Variants in ADGRF5 observed in about 807,000 individuals in gnomAD.
The protein encoded by ADGRF5 is adhesion G protein-coupled receptor F5, also known as G-protein coupled receptor 116.
ADGRF5 carries 75 observed loss-of-function variants against 132.3 expected under a neutral mutation model. The observed-to-expected ratio is 0.57, with a 90% CI of 0.47 to 0.69. The LOEUF (loss-of-function observed/expected upper bound fraction) is 0.69, where lower values mean the gene tolerates loss of function less well. Ranked by LOEUF, ADGRF5 falls within the 30% of genes least tolerant of loss-of-function variation. The pLI is 0.00. For missense variants in ADGRF5, 1,516 were observed against 1,630.6 expected, an observed-to-expected ratio of 0.93 and a Z score of 1.21; for synonymous variants, 629 against 597.6, an observed-to-expected ratio of 1.05 and a Z score of -0.77.
At chr6:46,868,399 T>C (rs1008157998) in intron 12 of ADGRF5, among the ~76,000 whole-genome samples, 2 of 152,242 alleles carry the variant, frequency 1.3e-5, no homozygotes, top group Admixed American at 6.5e-5. Context: ...TGAGCTATTA[T>C]TGTAGCAGTT....
intron 1 of ADGRF5, 75 bp downstream of exon 1, chr6:46,921,638 T>G (rs1190821297): frequency 2.6e-5 from 4 of 152,138 alleles, no homozygotes; most frequent in Non-Finnish European, 5.9e-5. Flanking sequence ...TTAAGAGAAG[T>G]GACTTAGGAG....
chr6:46,934,185 C>T (rs772612373), intron 1 of ADGRF5, among the ~76,000 whole-genome samples: 19 of 152,070 alleles, frequency 1.2e-4, no homozygotes, highest in Non-Finnish European at 5.9e-5. Flanking sequence ...ACTAATGTCT[C>T]TCTCTCTCTC....
At chr6:46,920,021 T>C (rs556310953) in intron 1 of ADGRF5, among the ~76,000 whole-genome samples, 2 of 152,352 alleles carry the variant, frequency 1.3e-5, no homozygotes, top group Non-Finnish European at 1.5e-5. Context: ...AACCGATCTG[T>C]TAAATGCATT....
chr6:46,880,263 G>A (rs1772302805), intron 8 of ADGRF5, among the ~76,000 whole-genome samples: 1 of 152,068 alleles, frequency 6.6e-6, no homozygotes, highest in South Asian at 2.1e-4. Flanking sequence ...CCCGACTGGG[G>A]TGTTTGCCCT....
chr6:46,886,203 T>C (rs530391740), intron 4 of ADGRF5, among the ~76,000 whole-genome samples: 2 of 152,324 alleles, frequency 1.3e-5, no homozygotes, highest in Admixed American at 1.3e-4. Context: ...AGGGAAGTTA[T>C]CAAATAGTTG....
chr6:46,865,032 AC>A lies in ADGRF5; in HGVS notation c.1990+9del. On this transcript the variant is annotated intron_variant, in intron 14 of 20. Coordinates refer to ENST00000283296, the MANE Select transcript of ADGRF5 (RefSeq NM_001098518.2). ...CTATAACATCTTAAAGTAATTTAAA[AC>A]GTTCTTACCAGGAACCAGATTCAGC... The A allele has an allele frequency of 1.3e-6, 2 of 1,573,912 alleles. No homozygotes were observed. Among genetic ancestry groups the A allele is most frequent in the Non-Finnish European group, 1.7e-6 (2 of 1,153,058 alleles).
intron 10 of ADGRF5, among the ~76,000 whole-genome samples, chr6:46,874,952 G>T (rs1328963): frequency 0.08 from 12,100 of 152,162 alleles, 652 homozygotes; most frequent in Non-Finnish European, 0.11. Flanking sequence ...ATCCTACAAT[G>T]CACAGAACAG....
At chr6:46,927,873 C>T (rs934464304) in intron 1 of ADGRF5, among the ~76,000 whole-genome samples, 1 of 152,164 alleles carries the variant, frequency 6.6e-6, no homozygotes, top group African/African-American at 2.4e-5. Flanking sequence ...ATCAACAAGT[C>T]AACAAGCAAG....
chr6:46,939,101 C>A (rs1004639503), intron 1 of ADGRF5, among the ~76,000 whole-genome samples: 1 of 152,164 alleles, frequency 6.6e-6, no homozygotes, highest in Non-Finnish European at 1.5e-5. Context: ...GATCTCTTGA[C>A]CTCGTGATCC....
At chr6:46,916,762 CAA>C (rs1198845113) in intron 1 of ADGRF5, among the ~76,000 whole-genome samples, 2 of 152,180 alleles carry the variant, frequency 1.3e-5, no homozygotes, top group African/African-American at 4.8e-5. Flanking sequence ...ATATTTAAGC[CAA>C]TTCACCAGGC....
chr6:46,920,462 C>T (rs1776810986), intron 1 of ADGRF5, among the ~76,000 whole-genome samples: 1 of 137,874 alleles, frequency 7.3e-6, no homozygotes, highest in African/African-American at 2.8e-5. Flanking sequence ...TCCTATAGAG[C>T]TCAGAAGAAC....
chr6:46,859,196 G>A lies in ADGRF5; in HGVS notation c.2707C>T (p.Pro903Ser). ...SDSSIVTMAF[P>S]TLQAILAQDI... ...TGGGCAAGGATGGCTTGGAGAGTTGGGAAAGCCATGGTGACAATAGACGAA... is the reference window on the plus strand; with the variant it reads ...TGGGCAAGGATGGCTTGGAGAGTTGAGAAAGCCATGGTGACAATAGACGAA... The change falls in exon 17 of 21, where the codon CCA becomes TCA. Residue 903 changes from proline to serine, a missense_variant. Pro to Ser is a moderately conservative substitution (Grantham distance 74, BLOSUM62 -1). This residue lies in a region of ADGRF5 where 571 missense variants were observed against 701.2 expected (regional missense o/e 0.81). Coordinates refer to ENST00000283296, the MANE Select transcript of ADGRF5 (RefSeq NM_001098518.2). 1 of 1,613,952 alleles carries A rather than the reference G, an allele frequency of 6.2e-7. No homozygotes were observed. Among genetic ancestry groups the A allele is most frequent in the Non-Finnish European group, 8.5e-7 (1 of 1,179,836 alleles).
chr6:46,900,203 C>T, intron 2 of ADGRF5, 120 bp from the exon 3 acceptor site: 1 of 747,648 alleles, frequency 1.3e-6, no homozygotes, highest in Non-Finnish European at 2.4e-6. Context: ...TTTGGGTTAG[C>T]ACCATGTGTC....
intron 1 of ADGRF5, among the ~76,000 whole-genome samples, chr6:46,929,799 A>C (rs1777466671): frequency 6.6e-6 from 1 of 151,780 alleles, no homozygotes; most frequent in Non-Finnish European, 1.5e-5. Flanking sequence ...TCTTCTTATT[A>C]TTTTTATTTT....
chr6:46,872,769 C>T (rs1771222992), intron 10 of ADGRF5, among the ~76,000 whole-genome samples: 1 of 152,158 alleles, frequency 6.6e-6, no homozygotes, highest in South Asian at 2.1e-4. Context: ...CCTTTACTCT[C>T]CCTCCTTCCA....
rs908660210 is a variant in ADGRF5, at chr6:46,939,734, C to T, written c.-25+15000G>A. On this transcript the variant is annotated intron_variant, in intron 1 of 20. Transcript: ENST00000265417. ...CTGGTATACTAAAGGTGAAAATTTA[C>T]GTAGTGCTGAAAAATCTTCAAGCAT... is the stretch of plus-strand genomic sequence containing the variant. Among the ~76,000 whole-genome samples the T allele has an allele frequency of 7.2e-5, 11 of 152,142 alleles. No homozygotes were observed. The South Asian group carries it at 1.2e-3, about 17-fold the overall frequency.
At chr6:46,916,328 C>T (rs1776412865) in intron 1 of ADGRF5, among the ~76,000 whole-genome samples, 1 of 152,206 alleles carries the variant, frequency 6.6e-6, no homozygotes, top group South Asian at 2.1e-4. Context: ...GAACTTGTCT[C>T]CTGTCCCACT....
chr6:46,901,671 CCA>C (rs1384146930), intron 2 of ADGRF5, among the ~76,000 whole-genome samples: 2 of 152,116 alleles, frequency 1.3e-5, no homozygotes, highest in African/African-American at 2.4e-5. Flanking sequence ...CCAGCCAGCT[CCA>C]GAGTCTGCAC....
chr6:46,952,750 A>C (rs1778548749), intron 1 of ADGRF5, among the ~76,000 whole-genome samples: 1 of 152,236 alleles, frequency 6.6e-6, no homozygotes, highest in African/African-American at 2.4e-5. Flanking sequence ...CTATGTGCCC[A>C]AAACTGTGCC....
Sources: gnomAD v4.1 joint callset for allele counts (sites outside exome capture counted in the v4.1 genomes callset) on GRCh38, gnomAD v4.1.1 for gene constraint, gnomAD v4.1.1 regional missense constraint, MANE v1.5 for transcripts, NCBI Gene and HGNC (gene_info 2026-07-23, HGNC 2026-07-21) for gene names.